FBXO30: variants seen among roughly 807,000 people sequenced by gnomAD.
The protein encoded by FBXO30 is F-box protein 30.
Under a neutral mutation model 58.1 loss-of-function variants are expected in FBXO30, and 21 were observed. That is an observed-to-expected ratio of 0.36 (90% CI 0.26 to 0.52). The LOEUF (loss-of-function observed/expected upper bound fraction) is 0.52. FBXO30 is among the 20% of genes least tolerant of loss of function. The pLI, the probability that FBXO30 is intolerant of heterozygous loss-of-function variation, is 0.93. For synonymous variants in FBXO30, 309 were observed against 312.4 expected, an observed-to-expected ratio of 0.99 and a Z score of 0.11; for missense variants, 744 against 897.3, an observed-to-expected ratio of 0.83 and a Z score of 2.18.
chr6:145,809,968 T>C (rs1778289596), intron 1 of FBXO30: 2 of 152,336 alleles, frequency 1.3e-5, no homozygotes, highest in African/African-American at 4.8e-5. Context: ...TAAGATGTTA[T>C]GTGAAGAATG....
At chr6:145,808,919 G>A (rs9376965) in intron 1 of FBXO30, among the ~76,000 whole-genome samples, 41,533 of 151,986 alleles carry the variant, frequency 0.27, 6,213 homozygotes, top group South Asian at 0.37. Context: ...GTTGAGGTAT[G>A]AGTTTTCTCA....
chr6:145,811,391 T>C (rs1277513753), intron 1 of FBXO30, among the ~76,000 whole-genome samples: 3 of 152,312 alleles, frequency 2.0e-5, no homozygotes, highest in African/African-American at 7.2e-5. Context: ...GTTCCAGGCA[T>C]TATATATGGA....
chr6:145,814,124 C>T (rs1467270845), intron 1 of FBXO30, among the ~76,000 whole-genome samples: 1 of 152,310 alleles, frequency 6.6e-6, no homozygotes, highest in East Asian at 1.9e-4. Flanking sequence ...AAGTTACCAA[C>T]TTTGCTCATC....
intron 1 of FBXO30, among the ~76,000 whole-genome samples, chr6:145,806,709 T>C (rs574316048): frequency 1.1e-4 from 17 of 152,314 alleles, no homozygotes; most frequent in East Asian, 9.6e-4. Context: ...AAATATACTA[T>C]TTAAATTCTA....
In FBXO30 at chr6:145,805,200, T is replaced by C. The variant is rs1187906370; in HGVS notation, c.1206A>G (p.Glu402=). ...LSNSCWSKPK[E]DKAVDTSDLE... ...AATCTGATGTATCTACTGCTTTATC[T>C]TCCTTTGGTTTAGACCAACATGAAT... The change falls in exon 2 of 3, where the codon GAA becomes GAG. Residue 402 remains glutamate (E), a synonymous_variant. Coordinates refer to ENST00000237281, the MANE Select transcript of FBXO30 (RefSeq NM_032145.5). 5.0e-6 allele frequency: 8 copies of C among 1,613,978 alleles called. No homozygotes were observed. Among genetic ancestry groups the C allele is most frequent in the Non-Finnish European group, 6.8e-6 (8 of 1,179,974 alleles).
Position 145,805,697 on chromosome 6 carries a change from C to G in FBXO30, c.709G>C (p.Asp237His). ...CCTATTTCCTCCTCATAAAGATGATCTTGGTCTTTCAAGTTTTGATCCTCT... is the reference window on the plus strand; with the variant it reads ...CCTATTTCCTCCTCATAAAGATGATGTTGGTCTTTCAAGTTTTGATCCTCT... ...SLEDQNLKDQ[D>H]HLYEEEIGAV... The change falls in exon 2 of 3, where the codon GAT becomes CAT. Residue 237 changes from aspartate (D) to histidine (H), a missense_variant. Physicochemically the swap from Asp to His is moderately conservative, Grantham distance 81 (BLOSUM62 -1). Around this residue, in one of 3 missense-constraint regions of FBXO30, gnomAD observed 275 missense variants for 262.0 expected, o/e 1.05. Transcript: ENST00000237281. The G allele has an allele frequency of 1.2e-6, 2 of 1,614,070 alleles. No individual in the cohort carries two copies. The highest frequency in any genetic ancestry group is 1.7e-6 in the Non-Finnish European group (2 of 1,179,978).
At chr6:145,800,587 A>G (rs1251420326) in intron 2 of FBXO30, among the ~76,000 whole-genome samples, 1 of 152,148 alleles carries the variant, frequency 6.6e-6, no homozygotes, top group Non-Finnish European at 1.5e-5. Context: ...GGCTTACTAA[A>G]TGATTTTTAA....
At position 145,806,370 on chromosome 6, in the gene FBXO30, A is replaced by G. The variant is rs1404415315; in HGVS notation, c.36T>C (p.Asn12=). The part of the protein sequence containing the change: ...EEELQHSHCV[N]CVSRRCMTRP... ...TGGTCATGCACCGTCTACTGACACA[A>G]TTCACACAATGGGAATGCTGCAGCT... Residue 12 remains asparagine, a synonymous_variant, in exon 2 of 3, where the codon AAT becomes AAC. Transcript: ENST00000237281. 6.2e-7 allele frequency: 1 copy of G among 1,613,858 alleles called. No individual in the cohort carries two copies.
chr6:145,806,552 A>G, intron 1 of FBXO30, 131 bp from the exon 2 acceptor site: 1 of 682,002 alleles, frequency 1.5e-6, no homozygotes, highest in East Asian at 2.7e-5. Context: ...TAAAATAAAC[A>G]TACTTAACCA....
Position 145,806,098 on chromosome 6 carries a change from T to G in FBXO30, c.308A>C (p.Asp103Ala). 1 of 1,614,074 alleles carries G rather than the reference T, an allele frequency of 6.2e-7. No individual in the cohort carries two copies. The highest frequency in any genetic ancestry group is 8.5e-7 in the Non-Finnish European group (1 of 1,179,976). ...EWNRWPVSYA[D>A]RKSYENLSRD... ...GCTTAGATTTTCATATGATTTCCGG[T>G]CTGCATAACTAACTGGCCATCGATT... Residue 103 changes from aspartate (D) to alanine (A), a missense_variant, in exon 2 of 3, where the codon GAC becomes GCC. Coordinates refer to ENST00000237281, the MANE Select transcript of FBXO30 (RefSeq NM_032145.5).
Position 145,803,637 on chromosome 6 carries a change from G to A in FBXO30, c.2034+735C>T, listed in dbSNP as rs776476097. Among the ~76,000 whole-genome samples the A allele has an allele frequency of 1.9e-4, 29 of 152,234 alleles. No homozygotes were observed. In the Middle Eastern group the frequency reaches 0.02, roughly 107 times the overall value. On this transcript the variant is annotated intron_variant, in intron 2 of 2. Transcript: ENST00000237281. Reference sequence around the variant, plus strand: ...CTGAGTAGTGCCAAATAGAAGCTGAGCAAAAGTAGGGTATCACAGAAGGAA... The same window carrying A: ...CTGAGTAGTGCCAAATAGAAGCTGAACAAAAGTAGGGTATCACAGAAGGAA...
At position 145,806,166 on chromosome 6, in the gene FBXO30, T is replaced by C; in HGVS notation, c.240A>G (p.Leu80=). 2 of 1,614,138 alleles carry C rather than the reference T, an allele frequency of 1.2e-6. No individual in the cohort carries two copies. The highest frequency in any genetic ancestry group is 1.1e-5 in the South Asian group (1 of 91,088). ...TMARNKVAEH[L]EMCPASVVCC... ...ACACCACACTTGCAGGACACATTTCTAGATGTTCAGCAACTTTATTTCGGG... is the reference window on the plus strand; with the variant it reads ...ACACCACACTTGCAGGACACATTTCCAGATGTTCAGCAACTTTATTTCGGG... Residue 80 remains leucine, a synonymous_variant, in exon 2 of 3, where the codon CTA becomes CTG. Coordinates refer to ENST00000237281, the MANE Select transcript of FBXO30 (RefSeq NM_032145.5).
intron 1 of FBXO30, among the ~76,000 whole-genome samples, 164 bp downstream of exon 1, chr6:145,814,439 G>T (rs1046602288): frequency 2.6e-5 from 4 of 151,976 alleles, no homozygotes; most frequent in Non-Finnish European, 5.9e-5. Context: ...GCATGGACCG[G>T]GGTCAGCCGC....
chr6:145,805,990 G>T lies in FBXO30; in HGVS notation c.416C>A (p.Ala139Asp). 6.2e-7 allele frequency: 1 copy of T among 1,614,056 alleles called. No individual in the cohort carries two copies. Among genetic ancestry groups the T allele is most frequent in the Non-Finnish European group, 8.5e-7 (1 of 1,179,984 alleles). Reference protein sequence around the residue: ...QRMLLESLKVATMMSKATDKV... With the variant: ...QRMLLESLKVDTMMSKATDKV... The stretch of plus-strand genomic sequence containing the variant: ...ATCAGTTGCTTTTGACATCATGGTG[G>T]CTACTTTGAGGGATTCTAAGAGCAT... Residue 139 changes from alanine (A) to aspartate (D), a missense_variant, in exon 2 of 3, where the codon GCC becomes GAC. This residue lies in a region of FBXO30 where 135 missense variants were observed against 201.6 expected (regional missense o/e 0.67). Coordinates refer to ENST00000237281, the MANE Select transcript of FBXO30 (RefSeq NM_032145.5).
At chr6:145,801,033 C>T (rs932390369) in intron 2 of FBXO30, among the ~76,000 whole-genome samples, 1 of 151,890 alleles carries the variant, frequency 6.6e-6, no homozygotes, top group African/African-American at 2.4e-5. Context: ...TTTTGTCCAC[C>T]CAACTGCTCT....
At position 145,804,529 on chromosome 6, in the gene FBXO30, C is replaced by T. The variant is rs1778103928; in HGVS notation, c.1877G>A (p.Gly626Asp). The T allele has an allele frequency of 6.2e-7, 1 of 1,613,726 alleles. No individual in the cohort carries two copies. The highest frequency in any genetic ancestry group is 8.5e-7 in the Non-Finnish European group (1 of 1,179,798). Residue 626 changes from glycine to aspartate, a missense_variant, in exon 2 of 3, where the codon GGC becomes GAC. This residue lies in a region of FBXO30 where 334 missense variants were observed against 433.7 expected (regional missense o/e 0.77). Coordinates refer to ENST00000237281, the MANE Select transcript of FBXO30 (RefSeq NM_032145.5). ...ACATAAGCTGAAGCCATCGAGAAAG[C>T]CTGCAATATGCTGCAGGACCTCAAA... The part of the protein sequence containing the change: ...LPFEVLQHIA[G>D]FLDGFSLCQL...
rs1265254146 is a variant in FBXO30 at position 145,795,627 on chromosome 6, A to G, written c.*4479T>C. On this transcript the variant is annotated 3_prime_UTR_variant, in exon 3 of 3. Transcript: ENST00000237281. ...ATATTTCTATAGAGCATGTTCATGA[A>G]TATTCCTTATAACCCATTTCTTTGT... 1 of 151,920 alleles carries G rather than the reference A, an allele frequency of 6.6e-6. No individual in the cohort carries two copies. Among genetic ancestry groups the G allele is most frequent in the Non-Finnish European group, 1.5e-5 (1 of 67,842 alleles). 9.4% of individuals were successfully genotyped at this position (151,920 alleles called of 1,614,324 possible).
In FBXO30 at chr6:145,805,906, T is replaced by A. The variant is rs1778153423; in HGVS notation, c.500A>T (p.His167Leu). ...SVKSSVPEIP[H>L]ANGLVSVDEE... is the part of the protein sequence containing the mutation. ...ATCAACAGACACTAAACCATTAGCA[T>A]GTGGTATTTCTGGGACACTTGATTT... The change falls in exon 2 of 3, where the codon CAT becomes CTT. Residue 167 changes from histidine to leucine, a missense_variant. By Grantham distance (99) the His-to-Leu change is moderately conservative. Transcript: ENST00000237281. 6.2e-7 allele frequency: 1 copy of A among 1,613,958 alleles called. No individual in the cohort carries two copies. The highest frequency in any genetic ancestry group is 1.3e-5 in the African/African-American group (1 of 74,926).
Position 145,804,443 on chromosome 6 carries a change from C to T in FBXO30, c.1963G>A (p.Gly655Ser). ...DVCGSLLQSR[G>S]MVILQWGKRK... ...TTCCCCCACTGCAGTATGACCATGC[C>T]ACGAGACTGAAGCAGGCTGCCACAC... Residue 655 changes from glycine to serine, a missense_variant, in exon 2 of 3, where the codon GGC becomes AGC. Physicochemically the swap from Gly to Ser is moderately conservative, Grantham distance 56. Around this residue, in one of 3 missense-constraint regions of FBXO30, gnomAD observed 334 missense variants for 433.7 expected, o/e 0.77. Coordinates refer to ENST00000237281, the MANE Select transcript of FBXO30 (RefSeq NM_032145.5). 1 of 1,613,646 alleles carries T rather than the reference C, an allele frequency of 6.2e-7. No individual in the cohort carries two copies. Among genetic ancestry groups the T allele is most frequent in the Non-Finnish European group, 8.5e-7 (1 of 1,179,760 alleles).
Sources: gnomAD v4.1 joint callset for allele counts (sites outside exome capture counted in the v4.1 genomes callset) on GRCh38, gnomAD v4.1.1 for gene constraint, gnomAD v4.1.1 regional missense constraint, MANE v1.5 for transcripts, NCBI Gene and HGNC (gene_info 2026-07-23, HGNC 2026-07-21) for gene names.